The following EIF4H variants were observed in gnomAD, a reference collection of about 807,000 sequenced individuals.
EIF4H encodes eukaryotic translation initiation factor 4H.
A neutral mutation model predicts 30.6 loss-of-function variants in EIF4H; 8 were observed. The ratio of observed to expected loss-of-function variants is 0.26; its 90% CI spans 0.15 to 0.47. The LOEUF is 0.47. Ranked by LOEUF, EIF4H falls within the 20% of genes least tolerant of loss-of-function variation. The pLI is 0.99. For synonymous variants in EIF4H, 106 were observed against 122.7 expected, an observed-to-expected ratio of 0.86 and a Z score of 0.90; for missense variants, 188 against 339.5, an observed-to-expected ratio of 0.55 and a Z score of 3.51.
At chr7:74,180,617 C>T (rs1800938691) in intron 1 of EIF4H, among the ~76,000 whole-genome samples, 1 of 152,162 alleles carries the variant, frequency 6.6e-6, no homozygotes, top group South Asian at 2.1e-4. Flanking sequence ...ATATTGTGAA[C>T]CATTCTGGGA....
intron 1 of EIF4H, chr7:74,184,051 T>A (rs1801027108): frequency 1.3e-5 from 2 of 152,172 alleles, no homozygotes; most frequent in African/African-American, 2.4e-5. Flanking sequence ...CACGAGTGAG[T>A]TGAACAGTTT....
At chr7:74,181,867 C>CCA (rs1484188335) in intron 1 of EIF4H, among the ~76,000 whole-genome samples, 7 of 152,176 alleles carry the variant, frequency 4.6e-5, no homozygotes, top group African/African-American at 1.4e-4. Context: ...CAGGCACCTG[C>CCA]CACTGTGCCC....
At chr7:74,185,675 T>G (rs1012354877) in intron 1 of EIF4H, among the ~76,000 whole-genome samples, 4 of 152,198 alleles carry the variant, frequency 2.6e-5, no homozygotes, top group Non-Finnish European at 5.9e-5. Flanking sequence ...GGAATTTATC[T>G]TCAGGAAGAA....
chr7:74,180,498 T>G (rs550862585), intron 1 of EIF4H, among the ~76,000 whole-genome samples: 38 of 152,348 alleles, frequency 2.5e-4, no homozygotes, highest in African/African-American at 8.9e-4. Context: ...ATACTTCAAG[T>G]GCATGGTGGG....
At chr7:74,185,140 G>A (rs1801053295) in intron 1 of EIF4H, among the ~76,000 whole-genome samples, 1 of 151,760 alleles carries the variant, frequency 6.6e-6, no homozygotes, top group Non-Finnish European at 1.5e-5. Context: ...TACAAGTGTG[G>A]ACCATCACTC....
chr7:74,187,468 C>A, intron 1 of EIF4H, 143 bp from the exon 2 acceptor site: 1 of 808,840 alleles, frequency 1.2e-6, no homozygotes, highest in Non-Finnish European at 1.8e-6. Flanking sequence ...GTTTCTCCAG[C>A]CATTCTCTGT....
Position 74,189,885 on chromosome 7 carries a change from T to C in EIF4H, c.376T>C (p.Phe126Leu). ...AGGCAGAAAACAAGATAAAGGTGGCTTTGGATTCAGAAAAGGTGGACCAGA... is the reference window on the plus strand; with the variant it reads ...AGGCAGAAAACAAGATAAAGGTGGCCTTGGATTCAGAAAAGGTGGACCAGA... The part of the protein sequence containing the change: ...AEGRKQDKGG[F>L]GFRKGGPDDR... The change falls in exon 4 of 7, where the codon TTT becomes CTT. Residue 126 changes from phenylalanine to leucine, a missense_variant. This residue lies in a region of EIF4H where 52 missense variants were observed against 143.9 expected (regional missense o/e 0.36). Transcript: ENST00000265753. The C allele has an allele frequency of 6.2e-7, 1 of 1,614,230 alleles. No homozygotes were observed. Among genetic ancestry groups the C allele is most frequent in the Non-Finnish European group, 8.5e-7 (1 of 1,180,048 alleles).
At chr7:74,192,805 G>A (rs1392147319) in intron 5 of EIF4H, among the ~76,000 whole-genome samples, 1 of 150,918 alleles carries the variant, frequency 6.6e-6, no homozygotes, top group Non-Finnish European at 1.5e-5. Context: ...AGCCTCCCAA[G>A]TAGCTGGGAT....
chr7:74,194,683 A>T, intron 5 of EIF4H, 58 bp from the exon 6 acceptor site: 1 of 1,501,722 alleles, frequency 6.7e-7, no homozygotes, highest in Non-Finnish European at 8.9e-7. Context: ...ACATTATTCT[A>T]TAAGCAGCTT....
At chr7:74,176,458 G>A (rs1253264488) in intron 1 of EIF4H, among the ~76,000 whole-genome samples, 1 of 152,096 alleles carries the variant, frequency 6.6e-6, no homozygotes, top group African/African-American at 2.4e-5. Context: ...CAATGCTTAA[G>A]CATCATAGAA....
intron 1 of EIF4H, among the ~76,000 whole-genome samples, chr7:74,177,210 A>G (rs1432720469): frequency 6.6e-6 from 1 of 152,146 alleles, no homozygotes; most frequent in Non-Finnish European, 1.5e-5. Flanking sequence ...CAGCCTCCCA[A>G]AGTGTTGGGA....
chr7:74,174,474 G>C (rs782413359), intron 1 of EIF4H, 32 bp downstream of exon 1: 3 of 1,385,558 alleles, frequency 2.2e-6, no homozygotes, highest in Non-Finnish European at 2.8e-6. Flanking sequence ...CCCGTCGGGG[G>C]CTGCGGGACC....
intron 5 of EIF4H, among the ~76,000 whole-genome samples, chr7:74,193,327 A>G (rs1186909592): frequency 2.0e-5 from 3 of 152,218 alleles, no homozygotes; most frequent in African/African-American, 7.2e-5. Context: ...GGATCGTCGC[A>G]TCTGTGCAGG....
Position 74,184,762 on chromosome 7 carries a change from A to G in EIF4H, c.60-2849A>G, listed in dbSNP as rs187592997. Among the ~76,000 whole-genome samples the G allele has an allele frequency of 1.5e-3, 222 of 152,192 alleles. 1 individual carries two copies. Among genetic ancestry groups the G allele is most frequent in the Non-Finnish European group, 2.0e-3 (135 of 68,008 alleles). ...CGCTCTGTAGCCCAGGCTGAAGCGCAGTGACACAGTCTCAGCTCACTGCAA... is the reference window on the plus strand; with the variant it reads ...CGCTCTGTAGCCCAGGCTGAAGCGCGGTGACACAGTCTCAGCTCACTGCAA... On this transcript the variant is annotated intron_variant, in intron 1 of 6. Coordinates refer to ENST00000265753, the MANE Select transcript of EIF4H (RefSeq NM_022170.2).
At chr7:74,176,449 A>C (rs1446610863) in intron 1 of EIF4H, among the ~76,000 whole-genome samples, 1 of 152,148 alleles carries the variant, frequency 6.6e-6, no homozygotes, top group African/African-American at 2.4e-5. Flanking sequence ...ACTGCTTTAC[A>C]ATGCTTAAGC....
At chr7:74,178,934 T>C (rs1800897977) in intron 1 of EIF4H, among the ~76,000 whole-genome samples, 1 of 152,220 alleles carries the variant, frequency 6.6e-6, no homozygotes, top group Non-Finnish European at 1.5e-5. Flanking sequence ...CCACGGTTGA[T>C]GAGTCTCTGG....
chr7:74,195,185 A>G lies in EIF4H; in HGVS notation c.624A>G (p.Arg208=), dbSNP rs1330533585. The G allele has an allele frequency of 5.6e-6, 9 of 1,613,810 alleles. No homozygotes were observed. In the African/African-American group the frequency reaches 9.3e-5, roughly 17 times the overall value. ...CTCCCCCAGAGGAAAGAGCACAGAGACCACGACTCCAGCTTAAACCTCGAA... is the reference window on the plus strand; with the variant it reads ...CTCCCCCAGAGGAAAGAGCACAGAGGCCACGACTCCAGCTTAAACCTCGAA... ...REPTEEERAQ[R]PRLQLKPRTV... is the part of the protein sequence containing the mutation. Residue 208 remains arginine (R), a synonymous_variant, in exon 7 of 7, where the codon AGA becomes AGG. Coordinates refer to ENST00000265753, the MANE Select transcript of EIF4H (RefSeq NM_022170.2).
chr7:74,182,230 C>T (rs1042092180), intron 1 of EIF4H, among the ~76,000 whole-genome samples: 1 of 152,142 alleles, frequency 6.6e-6, no homozygotes, highest in African/African-American at 2.4e-5. Context: ...CCTGTATACC[C>T]ATTACCTACT....
intron 1 of EIF4H, among the ~76,000 whole-genome samples, chr7:74,181,822 C>G (rs1361455905): frequency 6.8e-6 from 1 of 147,354 alleles, no homozygotes; most frequent in Non-Finnish European, 1.5e-5. Context: ...GCAGCCTCCG[C>G]CACCACCCCT....
Sources: allele counts gnomAD v4.1 joint callset (sites outside exome capture counted in the v4.1 genomes callset), GRCh38; gene constraint gnomAD v4.1.1; regional missense constraint gnomAD v4.1.1; transcripts MANE v1.5; gene names NCBI Gene and HGNC (gene_info 2026-07-23, HGNC 2026-07-21).